Variants in CSMD1 observed in about 807,000 individuals in gnomAD.
The protein encoded by CSMD1 is CUB and Sushi multiple domains 1, also known as CUB and sushi domain-containing protein 1.
Under a neutral mutation model 417.5 loss-of-function variants are expected in CSMD1, and 213 were observed. The observed-to-expected ratio is 0.51, with a 90% CI of 0.46 to 0.57. CSMD1 has a LOEUF of 0.57. CSMD1 is among the 20% of genes least tolerant of loss of function. CSMD1 has a pLI of 0.00. For synonymous variants in CSMD1, 2,862 were observed against 1,736.8 expected, an observed-to-expected ratio of 1.65 and a Z score of -16.11; for missense variants, 6,923 against 4,529.7, an observed-to-expected ratio of 1.53 and a Z score of -15.17.
At chr8:3,771,539 T>C (rs544782842) in intron 5 of CSMD1, among the ~76,000 whole-genome samples, 3 of 152,022 alleles carry the variant, frequency 2.0e-5, no homozygotes, top group Admixed American at 6.6e-5. Context: ...GGTGACTGGA[T>C]AGCATCACCA....
At chr8:4,487,572 A>G (rs989388669) in intron 2 of CSMD1, among the ~76,000 whole-genome samples, 3 of 152,178 alleles carry the variant, frequency 2.0e-5, no homozygotes, top group African/African-American at 7.2e-5. Context: ...TCATTGTTGG[A>G]CATTTGGGTT....
At chr8:4,801,477 C>A (rs985225505) in intron 1 of CSMD1, among the ~76,000 whole-genome samples, 2 of 150,164 alleles carry the variant, frequency 1.3e-5, no homozygotes, top group African/African-American at 4.9e-5. Context: ...TTTTTCTTTT[C>A]TTCAAATTGA....
At chr8:4,256,212 G>T (rs972272776) in intron 3 of CSMD1, among the ~76,000 whole-genome samples, 4 of 152,190 alleles carry the variant, frequency 2.6e-5, no homozygotes, top group African/African-American at 9.7e-5. Flanking sequence ...CTTACTCAAA[G>T]TAAGTGCATT....
intron 3 of CSMD1, among the ~76,000 whole-genome samples, chr8:4,296,521 T>A (rs1288727755): frequency 6.6e-6 from 1 of 152,106 alleles, no homozygotes. Flanking sequence ...TTTATCTATT[T>A]CTGATGTTAA....
At chr8:4,175,493 A>T (rs1027415305) in intron 3 of CSMD1, among the ~76,000 whole-genome samples, 1 of 152,208 alleles carries the variant, frequency 6.6e-6, no homozygotes, top group African/African-American at 2.4e-5. Context: ...ATATTTTCTT[A>T]AAACATTACA....
chr8:4,975,867 C>T (rs1320345391), intron 1 of CSMD1, among the ~76,000 whole-genome samples: 2 of 152,080 alleles, frequency 1.3e-5, no homozygotes, highest in Admixed American at 6.6e-5. Flanking sequence ...ACTCAGCACT[C>T]TAAGATAAAC....
At chr8:4,876,838 G>C (rs190690192) in intron 1 of CSMD1, among the ~76,000 whole-genome samples, 38 of 152,052 alleles carry the variant, frequency 2.5e-4, no homozygotes, top group Non-Finnish European at 4.9e-4. Context: ...TAGAAGTTAA[G>C]ATCAAGAAGA....
rs761563231 is a variant in CSMD1 at position 3,091,563 on chromosome 8, G to C, written c.7238C>G (p.Ser2413Cys). ...TTTCTTACTGGTGGCATGGTCAGTG[G>C]ACCAGCGGAGATATAACTGATTACT... ...SRSNQLYLRW[S>C]TDHATSKKGF... Residue 2413 changes from serine to cysteine, a missense_variant, in exon 48 of 70, where the codon TCC becomes TGC. Ser to Cys is a moderately radical substitution (Grantham distance 112). Transcript: ENST00000635120. 6.2e-7 allele frequency: 1 copy of C among 1,610,348 alleles called. No individual in the cohort carries two copies. The highest frequency in any genetic ancestry group is 1.7e-5 in the Admixed American group (1 of 58,620).
rs200362513 is a variant in CSMD1, at chr8:4,779,918, T to TC, written c.86-142361dup. Among the ~76,000 whole-genome samples, 315 of 151,918 alleles carry TC rather than the reference T, an allele frequency of 2.1e-3. 5 individuals carry two copies. In the East Asian group the frequency reaches 0.052, roughly 25 times the overall value. On this transcript the variant is annotated intron_variant, in intron 1 of 69. Transcript: ENST00000635120. ...GCTTTTTCTTTTTTCTTTTTTTTTTTCTCCAATAAGAAAATAAATACACCT... is the reference window on the plus strand; with the variant it reads ...GCTTTTTCTTTTTTCTTTTTTTTTTTCCTCCAATAAGAAAATAAATACACCT...
At chr8:4,463,841 G>C (rs748776698) in intron 2 of CSMD1, among the ~76,000 whole-genome samples, 5 of 152,060 alleles carry the variant, frequency 3.3e-5, no homozygotes, top group East Asian at 1.9e-4. Context: ...ATAACCCCAG[G>C]AATATATTAA....
chr8:4,841,917 A>AACAAAAC (rs1563561019), intron 1 of CSMD1, among the ~76,000 whole-genome samples: 2 of 139,628 alleles, frequency 1.4e-5, no homozygotes, highest in African/African-American at 5.7e-5. Flanking sequence ...GTCTCAAAAA[A>AACAAAAC]AAAAAAAAAA....
intron 37 of CSMD1, among the ~76,000 whole-genome samples, chr8:3,172,019 C>T (rs1481446337): frequency 2.0e-5 from 3 of 152,146 alleles, no homozygotes. Flanking sequence ...AAAGTAAACT[C>T]ACTCAAAAAC....
chr8:4,214,670 A>T (rs1800527549), intron 3 of CSMD1, among the ~76,000 whole-genome samples: 1 of 152,144 alleles, frequency 6.6e-6, no homozygotes, highest in African/African-American at 2.4e-5. Context: ...GTGTATGAGT[A>T]TGAGTGTGTT....
rs1191110522 is a variant in CSMD1, at chr8:4,710,480, A to ATATG, written c.86-72923_86-72922insCATA. Reference sequence around the variant, plus strand: ...AATGGAATATTATATATATATATATATGTATCTCTGTCTCTCTCAAATTAC... The same window carrying ATATG: ...AATGGAATATTATATATATATATATATATGTGTATCTCTGTCTCTCTCAAATTAC... On this transcript the variant is annotated intron_variant, in intron 1 of 69. Coordinates refer to ENST00000635120, the MANE Select transcript of CSMD1 (RefSeq NM_033225.6). Among the ~76,000 whole-genome samples the ATATG allele has an allele frequency of 1.9e-4, 28 of 148,042 alleles. No individual in the cohort carries two copies. The South Asian group carries it at 2.9e-3, about 16-fold the overall frequency.
At chr8:3,680,975 A>G (rs1434783163) in intron 7 of CSMD1, among the ~76,000 whole-genome samples, 1 of 152,238 alleles carries the variant, frequency 6.6e-6, no homozygotes, top group Non-Finnish European at 1.5e-5. Context: ...AAAGCCTTTG[A>G]CAAAATTCAA....
At chr8:4,757,821 C>T (rs755201061) in intron 1 of CSMD1, among the ~76,000 whole-genome samples, 1 of 151,598 alleles carries the variant, frequency 6.6e-6, no homozygotes, top group Admixed American at 6.6e-5. Context: ...TAGCGAGGCA[C>T]GGTGGCGCAC....
chr8:4,802,927 G>A (rs1206816079), intron 1 of CSMD1, among the ~76,000 whole-genome samples: 1 of 152,150 alleles, frequency 6.6e-6, no homozygotes, highest in African/African-American at 2.4e-5. Flanking sequence ...GAGAGAGGCA[G>A]AATAAAGTGA....
intron 3 of CSMD1, among the ~76,000 whole-genome samples, chr8:4,347,938 A>G (rs1800867913): frequency 6.6e-6 from 1 of 152,220 alleles, no homozygotes; most frequent in Non-Finnish European, 1.5e-5. Context: ...GGAGCACAAA[A>G]ATAAAATGGA....
intron 10 of CSMD1, among the ~76,000 whole-genome samples, chr8:3,499,822 G>A (rs1796520754): frequency 6.6e-6 from 1 of 152,098 alleles, no homozygotes; most frequent in South Asian, 2.1e-4. Context: ...AGATGCTACT[G>A]GCCCTGTGGG....
Sources: allele counts gnomAD v4.1 joint callset (sites outside exome capture counted in the v4.1 genomes callset), GRCh38; gene constraint gnomAD v4.1.1; transcripts MANE v1.5; gene names NCBI Gene and HGNC (gene_info 2026-07-23, HGNC 2026-07-21).